The following STX17 variants were observed in gnomAD, a reference collection of about 807,000 sequenced individuals.
STX17 encodes syntaxin 17.
A neutral mutation model predicts 35.9 loss-of-function variants in STX17; 29 were observed. The ratio of observed to expected loss-of-function variants is 0.81; its 90% confidence interval spans 0.60 to 1.10. The LOEUF (loss-of-function observed/expected upper bound fraction) is 1.10, where lower values mean the gene tolerates loss of function less well. Ranked by LOEUF, STX17 falls within the 50% of genes least tolerant of loss-of-function variation. STX17 has a pLI of 0.00. For missense variants in STX17, 312 were observed against 352.3 expected, an observed-to-expected ratio of 0.89 and a Z score of 0.92; for synonymous variants, 92 against 118.3, an observed-to-expected ratio of 0.78 and a Z score of 1.44.
chr9:99,964,555 G>A (rs1367862853), intron 6 of STX17, among the ~76,000 whole-genome samples: 1 of 152,112 alleles, frequency 6.6e-6, no homozygotes, highest in Non-Finnish European at 1.5e-5. Flanking sequence ...AAAATGGCAG[G>A]TATGGAATTT....
At chr9:99,908,181 A>T (rs976242497) in intron 1 of STX17, among the ~76,000 whole-genome samples, 1 of 152,206 alleles carries the variant, frequency 6.6e-6, no homozygotes, top group African/African-American at 2.4e-5. Flanking sequence ...GTTAATCTTG[A>T]TCACTTGGTA....
intron 2 of STX17, among the ~76,000 whole-genome samples, chr9:99,924,025 G>A (rs1248054001): frequency 6.6e-6 from 1 of 152,144 alleles, no homozygotes; most frequent in Non-Finnish European, 1.5e-5. Context: ...AGGCATGATG[G>A]AAGCATAGAC....
chr9:99,941,041 C>G (rs1829348572), intron 3 of STX17, among the ~76,000 whole-genome samples: 1 of 152,160 alleles, frequency 6.6e-6, no homozygotes, highest in Admixed American at 6.5e-5. Context: ...TAGTTCTTTT[C>G]ATTATTTCTT....
At chr9:99,931,588 C>T (rs1397051686) in intron 3 of STX17, among the ~76,000 whole-genome samples, 1 of 151,484 alleles carries the variant, frequency 6.6e-6, no homozygotes, top group Admixed American at 6.6e-5. Context: ...ATTTCTTTGG[C>T]TGCTTTCACA....
rs999841322 is a variant in STX17 at position 99,969,495 on chromosome 9, T to A, written c.*822T>A. On this transcript the variant is annotated 3_prime_UTR_variant, in exon 8 of 8. Coordinates refer to ENST00000259400, the MANE Select transcript of STX17 (RefSeq NM_017919.3). ...TGAGGAATTCTCTCATAACCTTTTT[T>A]GTCTTGTCTGTCATCTCTGTTCATC... 6.6e-6 allele frequency: 1 copy of A among 152,196 alleles called. No individual in the cohort carries two copies. The highest frequency in any genetic ancestry group is 2.4e-5 in the African/African-American group (1 of 41,454). The allele number at this position is 152,196 out of a possible 1,614,324, so 9.4% of individuals were successfully genotyped here. A position where few individuals can be genotyped will look rare whatever the true frequency, so the allele number is the denominator to read the frequency against.
intron 2 of STX17, among the ~76,000 whole-genome samples, chr9:99,920,252 A>C (rs866403216): frequency 6.6e-6 from 1 of 152,186 alleles, no homozygotes; most frequent in Non-Finnish European, 1.5e-5. Context: ...GGGGTGTGGA[A>C]ACTGGAAAGA....
intron 4 of STX17, among the ~76,000 whole-genome samples, chr9:99,958,913 G>A (rs1245390539): frequency 6.6e-6 from 1 of 152,156 alleles, no homozygotes; most frequent in Admixed American, 6.5e-5. Context: ...TGGAGTCATG[G>A]GCCAGAAGAT....
intron 2 of STX17, among the ~76,000 whole-genome samples, chr9:99,922,479 G>A (rs1455724268): frequency 6.6e-6 from 1 of 152,172 alleles, no homozygotes. Context: ...CTTATCTACT[G>A]TCAAACTATA....
At chr9:99,922,519 C>T (rs770250996) in intron 2 of STX17, among the ~76,000 whole-genome samples, 5 of 152,270 alleles carry the variant, frequency 3.3e-5, no homozygotes, top group Admixed American at 6.5e-5. Flanking sequence ...TCTTGCTGAA[C>T]GAGAACATCA....
chr9:99,940,816 CA>C (rs1829343095), intron 3 of STX17, among the ~76,000 whole-genome samples: 1 of 152,022 alleles, frequency 6.6e-6, no homozygotes, highest in African/African-American at 2.4e-5. Context: ...ATCTCTTTTG[CA>C]AAAAACTTTA....
At chr9:99,959,771 ATT>A (rs1829790693) in intron 4 of STX17, 144 bp from the exon 5 acceptor site, 1 of 687,576 alleles carries the variant, frequency 1.5e-6, no homozygotes, top group Non-Finnish European at 2.5e-6. Flanking sequence ...AAACAATTCT[ATT>A]TTTGTAGAAT....
At chr9:99,949,961 A>ACG (rs1829559885) in intron 3 of STX17, among the ~76,000 whole-genome samples, 2 of 151,536 alleles carry the variant, frequency 1.3e-5, no homozygotes, top group South Asian at 4.2e-4. Context: ...ACACACACAC[A>ACG]CACACTCCTA....
intron 4 of STX17, chr9:99,954,076 G>C (rs996149397): frequency 1.3e-5 from 2 of 152,008 alleles, no homozygotes; most frequent in African/African-American, 4.8e-5. Context: ...TTGGAGCAGA[G>C]CCAGAGAATG....
chr9:99,923,363 G>C (rs1047565911), intron 2 of STX17, among the ~76,000 whole-genome samples: 1 of 152,048 alleles, frequency 6.6e-6, no homozygotes, highest in Non-Finnish European at 1.5e-5. Flanking sequence ...GATATTATAT[G>C]AAAAAAACCT....
At chr9:99,953,259 G>C (rs1437841518) in intron 4 of STX17, among the ~76,000 whole-genome samples, 2 of 151,982 alleles carry the variant, frequency 1.3e-5, no homozygotes, top group African/African-American at 4.8e-5. Context: ...TCTTGCTTTT[G>C]TTGTAGCCTT....
intron 4 of STX17, among the ~76,000 whole-genome samples, chr9:99,956,303 T>C (rs2118504417): frequency 6.6e-6 from 1 of 152,296 alleles, no homozygotes; most frequent in Non-Finnish European, 1.5e-5. Flanking sequence ...TATATAATAA[T>C]CTGTCCTCAT....
chr9:99,925,398 G>A (rs1343250887), intron 2 of STX17, among the ~76,000 whole-genome samples: 2 of 151,958 alleles, frequency 1.3e-5, no homozygotes, highest in Non-Finnish European at 2.9e-5. Context: ...TAAAAATAAG[G>A]AAAAATATTT....
At chr9:99,955,284 T>C (rs1408377023) in intron 4 of STX17, among the ~76,000 whole-genome samples, 1 of 152,116 alleles carries the variant, frequency 6.6e-6, no homozygotes, top group Non-Finnish European at 1.5e-5. Context: ...GAAATTTAGA[T>C]TTTTATCACA....
chr9:99,918,052 T>A lies in STX17; in HGVS notation c.123+2690T>A, dbSNP rs919205649. On this transcript the variant is annotated intron_variant, in intron 2 of 7. Transcript: ENST00000259400. ...GGCTACTCCAGCACCAGCCATCACA[T>A]CCACATTCCAGCTTGGATGGAATAA... Among the ~76,000 whole-genome samples, 232 of 152,298 alleles carry A rather than the reference T, an allele frequency of 1.5e-3. 5 individuals are homozygous for A. Among genetic ancestry groups the A allele is most frequent in the East Asian group, 1.9e-4 (1 of 5,186 alleles).
Sources: gnomAD v4.1 joint callset for allele counts (sites outside exome capture counted in the v4.1 genomes callset) on GRCh38, gnomAD v4.1.1 for gene constraint, MANE v1.5 for transcripts, NCBI Gene and HGNC (gene_info 2026-07-23, HGNC 2026-07-21) for gene names.